The following ZNF148 variants were observed in gnomAD, a reference collection of about 807,000 sequenced individuals.
ZNF148 encodes Beta-Enolase Repressor Factor-1.
In ZNF148, 7 loss-of-function variants were observed where a neutral mutation model predicts 67.7. That is an observed-to-expected ratio of 0.10 (90% confidence interval 0.06 to 0.19). The LOEUF (loss-of-function observed/expected upper bound fraction) is 0.19, where lower values mean the gene tolerates loss of function less well. Among genes scored for constraint, ZNF148 ranks in the 10% least tolerant of loss-of-function variants. ZNF148 has a pLI of 1.00. For synonymous variants in ZNF148, 333 were observed against 330.7 expected (o/e 1.01, Z -0.08); for missense variants, 583 against 947.1 (o/e 0.62, Z 5.05).
chr3:125,348,686 T>A (rs1942035276), intron 1 of ZNF148, among the ~76,000 whole-genome samples: 1 of 152,118 alleles, frequency 6.6e-6, no homozygotes, highest in Admixed American at 6.6e-5. Context: ...CACAGCGATG[T>A]ACAGATTCAA....
At chr3:125,320,179 T>C (rs538864042) in intron 3 of ZNF148, among the ~76,000 whole-genome samples, 9 of 152,344 alleles carry the variant, frequency 5.9e-5, no homozygotes, top group African/African-American at 1.4e-4. Context: ...TTCCTCCCTC[T>C]GTTTTCTCAA....
chr3:125,244,131 C>T (rs1297457437), intron 7 of ZNF148, among the ~76,000 whole-genome samples: 1 of 152,110 alleles, frequency 6.6e-6, no homozygotes, highest in African/African-American at 2.4e-5. Flanking sequence ...GATAATTTTC[C>T]CCTACCCAAG....
At position 125,233,422 on chromosome 3, in the gene ZNF148, A is replaced by G; in HGVS notation, c.1304T>C (p.Leu435Ser). The change falls in exon 9 of 9, where the codon TTA (leucine) becomes TCA (serine). Residue 435 changes from leucine to serine, a missense_variant. Leu to Ser is a moderately radical substitution (Grantham distance 145). This residue lies in a region of ZNF148 where 172 missense variants were observed against 307.7 expected (regional missense o/e 0.56). Coordinates refer to ENST00000360647, the MANE Select transcript of ZNF148 (RefSeq NM_021964.3). The surrounding 1 kb of genome is among the most constrained non-coding windows in gnomAD (Gnocchi z 5.1). The stretch of plus-strand genomic sequence containing the variant: ...GTCAGCATTGCCTTCTGAGTCCAGT[A>G]AAGCCTGTTTATCCACAAGTTCAAA... ...YAFELVDKQA[L>S]LDSEGNADID... 1 of 1,613,984 alleles carries G rather than the reference A, an allele frequency of 6.2e-7. No homozygotes were observed. Among genetic ancestry groups the G allele is most frequent in the Non-Finnish European group, 8.5e-7 (1 of 1,179,932 alleles).
chr3:125,263,595 A>G (rs1937439986), intron 7 of ZNF148, among the ~76,000 whole-genome samples: 1 of 151,772 alleles, frequency 6.6e-6, no homozygotes, highest in Admixed American at 6.6e-5. Context: ...CCCCAGGTCC[A>G]GACAAAGAGC....
chr3:125,270,474 G>C (rs1433340672), intron 7 of ZNF148, among the ~76,000 whole-genome samples: 1 of 152,106 alleles, frequency 6.6e-6, no homozygotes, highest in Non-Finnish European at 1.5e-5. Flanking sequence ...AAAGAATATG[G>C]TGTGAAATAA....
intron 1 of ZNF148, among the ~76,000 whole-genome samples, chr3:125,371,772 T>A (rs900571954): frequency 1.3e-5 from 2 of 150,774 alleles, no homozygotes; most frequent in African/African-American, 4.9e-5. Context: ...TGTCAAAGAA[T>A]ACTGCAATCA....
At chr3:125,241,302 C>CT (rs1460109086) in intron 7 of ZNF148, among the ~76,000 whole-genome samples, 1 of 149,726 alleles carries the variant, frequency 6.7e-6, no homozygotes, top group Non-Finnish European at 1.5e-5. Context: ...GAGTTTCTTT[C>CT]TTTTTTCTTT....
chr3:125,245,623 C>T (rs1936562423), intron 7 of ZNF148, among the ~76,000 whole-genome samples: 1 of 152,122 alleles, frequency 6.6e-6, no homozygotes, highest in Non-Finnish European at 1.5e-5. Context: ...TCTTCTTTAT[C>T]CTCTCTCCAT....
At chr3:125,260,593 T>C (rs1937292428) in intron 7 of ZNF148, among the ~76,000 whole-genome samples, 1 of 152,186 alleles carries the variant, frequency 6.6e-6, no homozygotes, top group South Asian at 2.1e-4. Flanking sequence ...TATCAGTGTT[T>C]GTCATGGGGT....
chr3:125,261,636 A>G (rs1349771117), intron 7 of ZNF148, among the ~76,000 whole-genome samples: 1 of 152,176 alleles, frequency 6.6e-6, no homozygotes, highest in African/African-American at 2.4e-5. Flanking sequence ...ACTAAACGAC[A>G]TGAGGAGGAC....
At chr3:125,235,362 T>C (rs1197156331) in intron 7 of ZNF148, among the ~76,000 whole-genome samples, 20 of 152,186 alleles carry the variant, frequency 1.3e-4, no homozygotes, top group Admixed American at 1.3e-3. Flanking sequence ...ATTTCACTCT[T>C]TCTCTTGGTA....
intron 1 of ZNF148, among the ~76,000 whole-genome samples, chr3:125,353,844 C>T (rs1052493767): frequency 3.3e-5 from 5 of 151,854 alleles, no homozygotes; most frequent in African/African-American, 7.2e-5. Context: ...GAAGCCAAAG[C>T]GGGAAGATCA....
At chr3:125,357,581 T>G (rs1261379797) in intron 1 of ZNF148, among the ~76,000 whole-genome samples, 2 of 152,134 alleles carry the variant, frequency 1.3e-5, no homozygotes, top group African/African-American at 4.8e-5. Flanking sequence ...ACTTCGCTGT[T>G]CCACAGCCAC....
At chr3:125,348,480 CAAA>C (rs35810148) in intron 1 of ZNF148, among the ~76,000 whole-genome samples, 9 of 60,718 alleles carry the variant, frequency 1.5e-4, no homozygotes, top group African/African-American at 3.5e-4. Flanking sequence ...GACCCTGTCT[CAAA>C]AAAAAAAAAA....
chr3:125,231,351 A>G lies in ZNF148; in HGVS notation c.*990T>C, dbSNP rs1935846712. 6.6e-6 allele frequency: 1 copy of G among 152,538 alleles called. No individual in the cohort carries two copies. The highest frequency in any genetic ancestry group is 2.1e-4 in the South Asian group (1 of 4,836). The allele number at this position is 152,538 out of a possible 1,614,324, so 9.4% of individuals were successfully genotyped here. On this transcript the variant is annotated 3_prime_UTR_variant, in exon 9 of 9. Coordinates refer to ENST00000360647, the MANE Select transcript of ZNF148 (RefSeq NM_021964.3). ...ATTACGAGATGATTATGACACAACCATATCAAACCTAAAAATCTAATTTTT... is the reference window on the plus strand; with the variant it reads ...ATTACGAGATGATTATGACACAACCGTATCAAACCTAAAAATCTAATTTTT...
intron 1 of ZNF148, among the ~76,000 whole-genome samples, chr3:125,373,871 G>A (rs1042570749): frequency 2.6e-5 from 4 of 152,154 alleles, no homozygotes; most frequent in Non-Finnish European, 5.9e-5. Flanking sequence ...CAGCAAGCAT[G>A]TCTTCCCCCC....
At chr3:125,352,990 T>C (rs1470453957) in intron 1 of ZNF148, among the ~76,000 whole-genome samples, 1 of 152,180 alleles carries the variant, frequency 6.6e-6, no homozygotes, top group Non-Finnish European at 1.5e-5. Context: ...TTGAGCAGTT[T>C]GGAAGTTTTT....
chr3:125,272,462 T>C (rs757302392), intron 7 of ZNF148, among the ~76,000 whole-genome samples: 3 of 152,218 alleles, frequency 2.0e-5, no homozygotes, highest in African/African-American at 7.2e-5. Flanking sequence ...ATACACTTAA[T>C]TGAAAACTGG....
chr3:125,298,922 C>G (rs1020563920), intron 4 of ZNF148, among the ~76,000 whole-genome samples: 2 of 152,094 alleles, frequency 1.3e-5, no homozygotes, highest in Non-Finnish European at 2.9e-5. Flanking sequence ...CCACTGCACC[C>G]AGCCAAATGT....
Sources: gnomAD v4.1 joint callset for allele counts (sites outside exome capture counted in the v4.1 genomes callset) on GRCh38, gnomAD v4.1.1 for gene constraint, gnomAD v4.1.1 regional missense constraint, Gnocchi (gnomAD v3.1) non-coding constraint, MANE v1.5 for transcripts, NCBI Gene and HGNC (gene_info 2026-07-23, HGNC 2026-07-21) for gene names.